Variants in PPP1R15B observed in about 807,000 individuals in gnomAD.
The protein encoded by PPP1R15B is protein phosphatase 1, regulatory (inhibitor) subunit 15B.
A neutral mutation model predicts 53.9 loss-of-function variants in PPP1R15B; 31 were observed. The observed-to-expected ratio is 0.58, with a 90% CI of 0.43 to 0.78. PPP1R15B has a LOEUF of 0.78. PPP1R15B is among the 30% of genes least tolerant of loss of function. PPP1R15B has a pLI of 0.00. For synonymous variants in PPP1R15B, 345 were observed against 329.1 expected (o/e 1.05, Z -0.52); for missense variants, 928 against 849.6 (o/e 1.09, Z -1.15).
At chr1:204,397,495 C>T (rs1382569120), downstream of PPP1R15B, among the ~76,000 whole-genome samples, 7 of 152,062 alleles carry the variant, frequency 4.6e-5, no homozygotes, top group Admixed American at 4.6e-4. Flanking sequence ...CACTGCACTC[C>T]AGCTTGTCTC....
Position 204,411,662 on chromosome 1 carries a change from C to G in PPP1R15B, c.-251G>C. On this transcript the variant is annotated 5_prime_UTR_variant, in exon 1 of 2. Transcript: ENST00000367188. The stretch of plus-strand genomic sequence containing the variant: ...TTCCATCCTGGCGGGGAAGGAGGTT[C>G]CCTAGTCGGCTCGACGCTTCAACAC... 1.7e-6 allele frequency: 1 copy of G among 583,146 alleles called. No individual in the cohort carries two copies. Among genetic ancestry groups the G allele is most frequent in the Non-Finnish European group, 3.0e-6 (1 of 329,048 alleles). 36.1% of individuals were successfully genotyped at this position (583,146 alleles called of 1,614,324 possible).
Position 204,411,700 on chromosome 1 carries a change from T to C in PPP1R15B, c.-289A>G. ...GACGCTTCAACACCATGGATAGGAG[T>C]CCCCCCACGGCCTCGGCGATGGTTT... On this transcript the variant is annotated 5_prime_UTR_variant, in exon 1 of 2. Coordinates refer to ENST00000367188, the MANE Select transcript of PPP1R15B (RefSeq NM_032833.5). The C allele has an allele frequency of 4.0e-6, 2 of 495,150 alleles. No homozygotes were observed. Among genetic ancestry groups the C allele is most frequent in the Non-Finnish European group, 7.2e-6 (2 of 277,576 alleles). 30.7% of individuals were successfully genotyped at this position (495,150 alleles called of 1,614,324 possible).
In PPP1R15B at chr1:204,411,397, T is replaced by A; in HGVS notation, c.15A>T (p.Thr5=). 1 of 1,612,294 alleles carries A rather than the reference T, an allele frequency of 6.2e-7. No individual in the cohort carries two copies. The highest frequency in any genetic ancestry group is 8.5e-7 in the Non-Finnish European group (1 of 1,179,870). MEPG[T]GGSRKRLGPR... The stretch of plus-strand genomic sequence containing the variant: ...GGCCAAGCCGTTTCCGCGATCCGCC[T>A]GTCCCCGGCTCCATCTCCTTTTTCT... Residue 5 remains threonine (T), a synonymous_variant, in exon 1 of 2, where the codon ACA becomes ACT. Coordinates refer to ENST00000367188, the MANE Select transcript of PPP1R15B (RefSeq NM_032833.5).
downstream of PPP1R15B, among the ~76,000 whole-genome samples, chr1:204,397,747 A>G (rs1674115353): frequency 6.6e-6 from 1 of 152,224 alleles, no homozygotes; most frequent in Non-Finnish European, 1.5e-5. Context: ...CTGGATATGA[A>G]TGGTATCCTG....
rs926469250 is a variant in PPP1R15B at position 204,409,432 on chromosome 1, T to G, written c.1920+60A>C. Reference sequence around the variant, plus strand: ...CTAAGCCTCCAAAGTCATGCTGCTATATTTAAGCATATAAAAACAGTCAGA... The same window carrying G: ...CTAAGCCTCCAAAGTCATGCTGCTAGATTTAAGCATATAAAAACAGTCAGA... On this transcript the variant is annotated intron_variant, in intron 1 of 1. Coordinates refer to ENST00000367188, the MANE Select transcript of PPP1R15B (RefSeq NM_032833.5). 1.2e-5 allele frequency: 18 copies of G among 1,523,736 alleles called. No individual in the cohort carries two copies. In the African/African-American group the frequency reaches 2.2e-4, roughly 19 times the overall value. The allele number at this position is 1,523,736 out of a possible 1,614,324, so 94.4% of individuals were successfully genotyped here.
chr1:204,400,805 GA>G (rs1241541657), downstream of PPP1R15B: 11 of 766,794 alleles, frequency 1.4e-5, no homozygotes, highest in Non-Finnish European at 1.7e-5. Context: ...AAACAGTAGT[GA>G]AAATAAAATA....
Position 204,410,350 on chromosome 1 carries a change from A to C in PPP1R15B, c.1062T>G (p.Pro354=). 6.2e-7 allele frequency: 1 copy of C among 1,614,194 alleles called. No homozygotes were observed. The highest frequency in any genetic ancestry group is 1.7e-5 in the Admixed American group (1 of 60,026). The part of the protein sequence containing the change: ...TQFVPAAGDI[P]GNTQESTEEK... The stretch of plus-strand genomic sequence containing the variant: ...CTTCAGTGGATTCCTGGGTGTTTCC[A>C]GGAATGTCTCCAGCAGCAGGAACAA... The change falls in exon 1 of 2, where the codon CCT becomes CCG. Residue 354 remains proline (P), a synonymous_variant. Coordinates refer to ENST00000367188, the MANE Select transcript of PPP1R15B (RefSeq NM_032833.5).
Position 204,404,544 on chromosome 1 carries a change from G to C in PPP1R15B, c.*1548C>G, listed in dbSNP as rs907088367. The C allele has an allele frequency of 3.0e-6, 3 of 985,614 alleles. No individual in the cohort carries two copies. Among genetic ancestry groups the C allele is most frequent in the Non-Finnish European group, 3.6e-6 (3 of 829,844 alleles). The allele number at this position is 985,614 out of a possible 1,614,324, so 61.1% of individuals were successfully genotyped here. A position where few individuals can be genotyped will look rare whatever the true frequency, so the allele number is the denominator to read the frequency against. ...TAAGGGCTCTGCAAAAATTTGACCAGCTTTTATAGTGTTGCATTCTCAATG... is the reference window on the plus strand; with the variant it reads ...TAAGGGCTCTGCAAAAATTTGACCACCTTTTATAGTGTTGCATTCTCAATG... On this transcript the variant is annotated 3_prime_UTR_variant, in exon 2 of 2. Coordinates refer to ENST00000367188, the MANE Select transcript of PPP1R15B (RefSeq NM_032833.5).
Position 204,409,546 on chromosome 1 carries a change from C to T in PPP1R15B, c.1866G>A (p.Ser622=), listed in dbSNP as rs1406918040. Residue 622 remains serine, a synonymous_variant, in exon 1 of 2, where the codon TCG becomes TCA. Coordinates refer to ENST00000367188, the MANE Select transcript of PPP1R15B (RefSeq NM_032833.5). The part of the protein sequence containing the change: ...LGSQESECPD[S]VQRDVLSGGR... ...CTCCAGAAAGAACGTCACGCTGTAC[C>T]GAGTCTGGACATTCACTTTCTTGGC... is the stretch of plus-strand genomic sequence containing the variant. 6.2e-7 allele frequency: 1 copy of T among 1,613,976 alleles called. No individual in the cohort carries two copies. Among genetic ancestry groups the T allele is most frequent in the African/African-American group, 1.3e-5 (1 of 74,986 alleles).
Position 204,404,349 on chromosome 1 carries a change from G to A in PPP1R15B, c.*1743C>T. The A allele has an allele frequency of 1.9e-6, 1 of 520,252 alleles. No individual in the cohort carries two copies. The highest frequency in any genetic ancestry group is 2.5e-6 in the Non-Finnish European group (1 of 405,370). 32.2% of individuals were successfully genotyped at this position (520,252 alleles called of 1,614,324 possible). On this transcript the variant is annotated 3_prime_UTR_variant, in exon 2 of 2. Coordinates refer to ENST00000367188, the MANE Select transcript of PPP1R15B (RefSeq NM_032833.5). ...AGACACAAAAAATTAGCCGGGCGTG[G>A]TGGTGTGTGCCTGTAATCCCAGCTA...
rs753230855 is a variant in PPP1R15B, at chr1:204,411,460, T to C, written c.-49A>G. 1.3e-6 allele frequency: 2 copies of C among 1,572,918 alleles called. No homozygotes were observed. Among genetic ancestry groups the C allele is most frequent in the Non-Finnish European group, 1.7e-6 (2 of 1,165,106 alleles). Reference sequence around the variant, plus strand: ...AGGTAGGGCCGCGGCGCTCAGCGGCTGGAGGTCGACGGGATTCGGAGGAAG... The same window carrying C: ...AGGTAGGGCCGCGGCGCTCAGCGGCCGGAGGTCGACGGGATTCGGAGGAAG... On this transcript the variant is annotated 5_prime_UTR_variant, in exon 1 of 2. Transcript: ENST00000367188.
In PPP1R15B at chr1:204,410,542, T is replaced by C. The variant is rs1404921670; in HGVS notation, c.870A>G (p.Leu290=). 8.1e-6 allele frequency: 13 copies of C among 1,614,158 alleles called. No homozygotes were observed. Among genetic ancestry groups the C allele is most frequent in the Admixed American group, 1.7e-5 (1 of 60,030 alleles). Residue 290 remains leucine (L), a synonymous_variant, in exon 1 of 2, where the codon CTA becomes CTG. Coordinates refer to ENST00000367188, the MANE Select transcript of PPP1R15B (RefSeq NM_032833.5). ...TCATGCGAAGATGGTGAATTTCTGGTAGGCCTTCCGTAGAAAGAGGTGGAC... is the reference window on the plus strand; with the variant it reads ...TCATGCGAAGATGGTGAATTTCTGGCAGGCCTTCCGTAGAAAGAGGTGGAC... ...QGCPPLSTEG[L]PEIHHLRMKR...
downstream of PPP1R15B, among the ~76,000 whole-genome samples, chr1:204,400,111 C>T (rs966114917): frequency 8.6e-5 from 13 of 151,840 alleles, no homozygotes; most frequent in African/African-American, 3.1e-4. Context: ...GTGGTGCACA[C>T]CTATGGTCCC....
At position 204,404,711 on chromosome 1, in the gene PPP1R15B, T is replaced by TC. The variant is rs1674235944; in HGVS notation, c.*1380dup. ...AATTCATCCCCACACTTAAATAAGTTCAAAACTAAGAGGTCACCTATTCTA... is the reference window on the plus strand; with the variant it reads ...AATTCATCCCCACACTTAAATAAGTTCCAAAACTAAGAGGTCACCTATTCTA... On this transcript the variant is annotated 3_prime_UTR_variant, in exon 2 of 2. Coordinates refer to ENST00000367188, the MANE Select transcript of PPP1R15B (RefSeq NM_032833.5). 1 of 985,666 alleles carries TC rather than the reference T, an allele frequency of 1.0e-6. No homozygotes were observed. Among genetic ancestry groups the TC allele is most frequent in the Non-Finnish European group, 1.2e-6 (1 of 829,892 alleles). The allele number at this position is 985,666 out of a possible 1,614,324, so 61.1% of individuals were successfully genotyped here.
intron 1 of PPP1R15B, 125 bp from the exon 2 acceptor site, chr1:204,406,438 G>C: frequency 1.5e-6 from 2 of 1,291,774 alleles, no homozygotes; most frequent in Middle Eastern, 2.6e-4. Context: ...ATTATTATTA[G>C]GAATATTTGG....
Position 204,411,649 on chromosome 1 carries a change from G to A in PPP1R15B, c.-238C>T, listed in dbSNP as rs965409086. ...CGACTGATGCGACTTCCATCCTGGC[G>A]GGGAAGGAGGTTCCCTAGTCGGCTC... On this transcript the variant is annotated 5_prime_UTR_variant, in exon 1 of 2. Coordinates refer to ENST00000367188, the MANE Select transcript of PPP1R15B (RefSeq NM_032833.5). 6 of 594,236 alleles carry A rather than the reference G, an allele frequency of 1.0e-5. No homozygotes were observed. The highest frequency in any genetic ancestry group is 8.2e-5 in the South Asian group (4 of 48,638). 36.8% of individuals were successfully genotyped at this position (594,236 alleles called of 1,614,324 possible).
downstream of PPP1R15B, among the ~76,000 whole-genome samples, chr1:204,396,898 T>C (rs891556281): frequency 6.6e-6 from 1 of 152,176 alleles, no homozygotes; most frequent in African/African-American, 2.4e-5. Context: ...CAATGTATTA[T>C]ATTCTTGCAA....
rs115008171 is a variant in PPP1R15B at position 204,405,465 on chromosome 1, T to G, written c.*627A>C. 698 of 983,106 alleles carry G rather than the reference T, an allele frequency of 7.1e-4. 8 individuals carry two copies. In the African/African-American group the frequency reaches 0.011, roughly 16 times the overall value. The allele number at this position is 983,106 out of a possible 1,614,324, so 60.9% of individuals were successfully genotyped here. On this transcript the variant is annotated 3_prime_UTR_variant, in exon 2 of 2. Transcript: ENST00000367188. ...TGGCAGTCCTTGGAAATATCCTAGG[T>G]AGAACTTAATGTAGAAATAAAAAGG...
downstream of PPP1R15B, among the ~76,000 whole-genome samples, chr1:204,396,678 T>C (rs1112427): frequency 2.7e-3 from 417 of 152,242 alleles, 2 homozygotes; most frequent in Middle Eastern, 0.014. Flanking sequence ...CATATTTTGA[T>C]AGTGGTGGTG....
Sources: gnomAD v4.1 joint callset for allele counts (sites outside exome capture counted in the v4.1 genomes callset) on GRCh38, gnomAD v4.1.1 for gene constraint, MANE v1.5 for transcripts, NCBI Gene and HGNC (gene_info 2026-07-23, HGNC 2026-07-21) for gene names.